DNAI3: variants seen among roughly 807,000 people sequenced by gnomAD.
DNAI3 encodes WD repeat domain 63.
Under a neutral mutation model 115.5 loss-of-function variants are expected in DNAI3, and 83 were observed. The observed-to-expected ratio is 0.72, with a 90% CI of 0.60 to 0.86. DNAI3 has a LOEUF of 0.86. DNAI3 is among the 40% of genes least tolerant of loss of function. The pLI is 0.00. For missense variants in DNAI3, 1,004 were observed against 1,075.8 expected (o/e 0.93, Z 0.93); for synonymous variants, 320 against 347.0 (o/e 0.92, Z 0.86).
chr1:85,085,501 C>A (rs1363243265), intron 6 of DNAI3, among the ~76,000 whole-genome samples: 3 of 152,224 alleles, frequency 2.0e-5, no homozygotes, highest in Non-Finnish European at 4.4e-5. Flanking sequence ...CAAAGAGGTA[C>A]TCTGAGTGTA....
At chr1:85,108,533 C>A (rs528475292) in intron 15 of DNAI3, among the ~76,000 whole-genome samples, 5 of 152,098 alleles carry the variant, frequency 3.3e-5, no homozygotes, top group African/African-American at 9.7e-5. Context: ...AAAAAGGGAG[C>A]AGAAAAACAT....
Position 85,132,898 on chromosome 1 carries a change from A to T in DNAI3, c.2576A>T (p.Lys859Ile), listed in dbSNP as rs1656384544. The T allele has an allele frequency of 6.2e-7, 1 of 1,613,890 alleles. No homozygotes were observed. Among genetic ancestry groups the T allele is most frequent in the African/African-American group, 1.3e-5 (1 of 74,902 alleles). ...KSKEQMQAEL[K>I]MDYESYLELE... ...AAAGAACAAATGCAGGCTGAATTAA[A>T]AATGGACTATGAGAGTTATCTGGAA... Residue 859 changes from lysine (K) to isoleucine (I), a missense_variant, in exon 23 of 23, where the codon AAA becomes ATA. Physicochemically the swap from Lys to Ile is moderately radical, Grantham distance 102. This residue lies in a region of DNAI3 where 429 missense variants were observed against 454.3 expected (regional missense o/e 0.94). Transcript: ENST00000294664.
At chr1:85,103,670 T>G (rs191854249) in intron 13 of DNAI3, among the ~76,000 whole-genome samples, 181 of 152,102 alleles carry the variant, frequency 1.2e-3, no homozygotes, top group Non-Finnish European at 2.2e-3. Flanking sequence ...GTGGATCACT[T>G]GAGGCCAGGG....
Position 85,073,074 on chromosome 1 carries a change from G to A in DNAI3, c.85G>A (p.Val29Ile). Residue 29 changes from valine to isoleucine, a missense_variant, in exon 3 of 23, where the codon GTA becomes ATA. Coordinates refer to ENST00000294664, the MANE Select transcript of DNAI3 (RefSeq NM_145172.5). ...TCTAGCTAGTGAAGACATGGAACCA[G>A]TAAATATGGAGAGCATGGGTAAGTG... ...VLAASEDMEP[V>I]NMESMGHPEI... is the part of the protein sequence containing the mutation. The A allele has an allele frequency of 6.4e-7, 1 of 1,550,950 alleles. No individual in the cohort carries two copies. Among genetic ancestry groups the A allele is most frequent in the African/African-American group, 1.4e-5 (1 of 72,780 alleles).
intron 14 of DNAI3, among the ~76,000 whole-genome samples, chr1:85,105,223 A>G (rs1443708945): frequency 6.6e-6 from 1 of 152,174 alleles, no homozygotes; most frequent in African/African-American, 2.4e-5. Context: ...AAGAAGGCAC[A>G]AGTGATGTTA....
intron 14 of DNAI3, among the ~76,000 whole-genome samples, chr1:85,105,527 T>C (rs1571185957): frequency 4.4e-5 from 2 of 45,536 alleles, no homozygotes; most frequent in Non-Finnish European, 8.4e-5. Flanking sequence ...AAACTCTGTC[T>C]CAAAAAAAAA....
intron 19 of DNAI3, among the ~76,000 whole-genome samples, chr1:85,124,617 A>T (rs545819613): frequency 3.3e-5 from 5 of 152,194 alleles, no homozygotes. Flanking sequence ...TGCAGCCTCG[A>T]CTTCCCAGGC....
intron 13 of DNAI3, among the ~76,000 whole-genome samples, chr1:85,103,331 C>T (rs1655384175): frequency 6.6e-6 from 1 of 152,258 alleles, no homozygotes; most frequent in Admixed American, 6.5e-5. Context: ...GAACCATAAA[C>T]CCTCCTGTGA....
chr1:85,094,703 A>T, intron 10 of DNAI3, 148 bp downstream of exon 10: 1 of 998,384 alleles, frequency 1.0e-6, no homozygotes, highest in South Asian at 2.4e-5. Flanking sequence ...AGAACTTGTC[A>T]TCATTCAATT....
At chr1:85,125,443 CTG>C (rs1462401228) in intron 19 of DNAI3, among the ~76,000 whole-genome samples, 1 of 151,812 alleles carries the variant, frequency 6.6e-6, no homozygotes, top group East Asian at 1.9e-4. Flanking sequence ...TACTCAAAAA[CTG>C]TATATTTATC....
chr1:85,079,772 C>T (rs186858118), intron 3 of DNAI3, among the ~76,000 whole-genome samples: 14 of 152,196 alleles, frequency 9.2e-5, no homozygotes, highest in African/African-American at 1.9e-4. Context: ...TGGCCTGAGG[C>T]GCAAAGAAGG....
intron 16 of DNAI3, among the ~76,000 whole-genome samples, chr1:85,114,013 A>ATTTTTTT (rs1655736355): frequency 3.9e-5 from 3 of 77,742 alleles, no homozygotes; most frequent in African/African-American, 5.9e-5. Context: ...TACAATTTGT[A>ATTTTTTT]TCTTTTTTTT....
chr1:85,113,285 A>G (rs930853969), intron 16 of DNAI3, among the ~76,000 whole-genome samples: 1 of 152,138 alleles, frequency 6.6e-6, no homozygotes, highest in African/African-American at 2.4e-5. Flanking sequence ...TTGGTGTTGA[A>G]TTTAAGAAAT....
chr1:85,121,442 G>C (rs755159308), intron 17 of DNAI3, among the ~76,000 whole-genome samples: 1 of 152,092 alleles, frequency 6.6e-6, no homozygotes, highest in Non-Finnish European at 1.5e-5. Context: ...CTCCCTTTAC[G>C]GATCAACAAC....
chr1:85,106,623 C>T (rs1390127804), intron 14 of DNAI3, among the ~76,000 whole-genome samples: 1 of 152,178 alleles, frequency 6.6e-6, no homozygotes, highest in African/African-American at 2.4e-5. Flanking sequence ...TTCCAAATTT[C>T]TAAACTGTCT....
chr1:85,097,600 A>G lies in DNAI3; in HGVS notation c.1295A>G (p.Asp432Gly). The change falls in exon 12 of 23, where the codon GAT becomes GGT. Residue 432 changes from aspartate to glycine, a missense_variant. This residue lies in a region of DNAI3 where 550 missense variants were observed against 568.1 expected (regional missense o/e 0.97). Transcript: ENST00000294664. Reference protein sequence around the residue: ...IVMWDITAHADRIENIKAGGS... With the variant: ...IVMWDITAHAGRIENIKAGGS... ...ATGTGGGATATCACCGCACATGCAGATCGCATAGAAAACATTAAGGCAGGT... is the reference window on the plus strand; with the variant it reads ...ATGTGGGATATCACCGCACATGCAGGTCGCATAGAAAACATTAAGGCAGGT... 2 of 1,613,380 alleles carry G rather than the reference A, an allele frequency of 1.2e-6. No individual in the cohort carries two copies. Among genetic ancestry groups the G allele is most frequent in the Non-Finnish European group, 1.7e-6 (2 of 1,179,712 alleles).
At chr1:85,078,472 G>C (rs985450600) in intron 3 of DNAI3, among the ~76,000 whole-genome samples, 5 of 152,180 alleles carry the variant, frequency 3.3e-5, no homozygotes, top group South Asian at 2.1e-4. Flanking sequence ...GGCCCTGAAG[G>C]CCTCCTCCTC....
chr1:85,099,771 G>T (rs1655235911), intron 13 of DNAI3, among the ~76,000 whole-genome samples: 1 of 152,200 alleles, frequency 6.6e-6, no homozygotes, highest in Non-Finnish European at 1.5e-5. Flanking sequence ...TGCCAAAACA[G>T]AGATATAGAT....
rs564078529 is a variant in DNAI3, at chr1:85,116,010, T to A, written c.1787-1719T>A. Among the ~76,000 whole-genome samples, 139 of 152,314 alleles carry A rather than the reference T, an allele frequency of 9.1e-4. 1 individual carries two copies. The South Asian group carries it at 0.028, about 31-fold the overall frequency. On this transcript the variant is annotated intron_variant, in intron 16 of 22. Coordinates refer to ENST00000294664, the MANE Select transcript of DNAI3 (RefSeq NM_145172.5). The stretch of plus-strand genomic sequence containing the variant: ...CTTGGAGCGCACACTTCTCTTAGCA[T>A]CTGTGATTTTCCTATCCTGCTACTT...
Sources: allele counts gnomAD v4.1 joint callset (sites outside exome capture counted in the v4.1 genomes callset), GRCh38; gene constraint gnomAD v4.1.1; regional missense constraint gnomAD v4.1.1; transcripts MANE v1.5; gene names NCBI Gene and HGNC (gene_info 2026-07-23, HGNC 2026-07-21).